The following CACNA1D variants were observed in gnomAD, a reference collection of about 807,000 sequenced individuals.
CACNA1D encodes calcium voltage-gated channel subunit alpha1 D, also known as voltage-dependent L-type calcium channel subunit alpha-1D.
A neutral mutation model predicts 257.1 loss-of-function variants in CACNA1D; 55 were observed. The observed-to-expected ratio is 0.21, with a 90% CI of 0.17 to 0.27. The LOEUF (loss-of-function observed/expected upper bound fraction) is 0.27, where lower values mean the gene tolerates loss of function less well. Among genes scored for constraint, CACNA1D ranks in the 10% least tolerant of loss-of-function variants. The probability of loss-of-function intolerance (pLI) is 1.00; values close to 1 mark genes in which losing one functional copy is unlikely to be tolerated. For missense variants in CACNA1D, 1,876 were observed against 2,784.0 expected (o/e 0.67, Z 7.34); for synonymous variants, 980 against 1,014.9 (o/e 0.97, Z 0.65).
At chr3:53,566,772 CCT>C (rs2092849387) in intron 3 of CACNA1D, among the ~76,000 whole-genome samples, 1 of 152,180 alleles carries the variant, frequency 6.6e-6, no homozygotes, top group Non-Finnish European at 1.5e-5. Flanking sequence ...AGCTTGCTTG[CCT>C]CTCTGTCGGA....
chr3:53,562,367 C>G (rs140549538), intron 3 of CACNA1D, among the ~76,000 whole-genome samples: 181 of 152,298 alleles, frequency 1.2e-3, no homozygotes, highest in Non-Finnish European at 2.2e-3. Flanking sequence ...TCAGAGAACT[C>G]TACAGATACA....
chr3:53,613,289 G>A (rs927427339), intron 3 of CACNA1D, among the ~76,000 whole-genome samples: 1 of 152,098 alleles, frequency 6.6e-6, no homozygotes, highest in Non-Finnish European at 1.5e-5. Context: ...CAAAGAAGAT[G>A]GCCCTATTCA....
At chr3:53,639,688 G>A (rs34802409) in intron 3 of CACNA1D, among the ~76,000 whole-genome samples, 21,854 of 151,540 alleles carry the variant, frequency 0.14, 1,983 homozygotes, top group Middle Eastern at 0.21. Flanking sequence ...GCCCGGCTGA[G>A]ATTTCATTTT....
intron 8 of CACNA1D, among the ~76,000 whole-genome samples, chr3:53,695,384 C>T (rs1422879615): frequency 6.6e-6 from 1 of 152,166 alleles, no homozygotes; most frequent in East Asian, 1.9e-4. Context: ...AGCAGGCATC[C>T]TTCTTCCTTC....
At chr3:53,570,845 G>A (rs1231466353) in intron 3 of CACNA1D, among the ~76,000 whole-genome samples, 1 of 152,318 alleles carries the variant, frequency 6.6e-6, no homozygotes, top group Middle Eastern at 3.4e-3. Flanking sequence ...GCTAAAAATG[G>A]TCAAGGAAGG....
chr3:53,745,933 A>T, intron 25 of CACNA1D, 58 bp downstream of exon 25: 1 of 1,342,210 alleles, frequency 7.5e-7, no homozygotes, highest in Non-Finnish European at 1.1e-6. Context: ...GACTTCAAGG[A>T]TTCACACATG....
Position 53,732,054 on chromosome 3 carries a change from G to A in CACNA1D, c.2445G>A (p.Lys815=). ...IDDYREEDED[K]DPYPPCDVPV... ...ACTATAGAGAAGAGGATGAAGACAA[G>A]GACCCCTATCCGCCTTGCGATGTGC... Residue 815 remains lysine, a synonymous_variant, in exon 18 of 48, where the codon AAG becomes AAA. Transcript: ENST00000350061. The A allele has an allele frequency of 1.9e-6, 3 of 1,613,014 alleles. No individual in the cohort carries two copies. Among genetic ancestry groups the A allele is most frequent in the African/African-American group, 2.7e-5 (2 of 75,054 alleles).
chr3:53,644,543 C>A (rs2093999106), intron 3 of CACNA1D, among the ~76,000 whole-genome samples: 1 of 152,186 alleles, frequency 6.6e-6, no homozygotes, highest in Admixed American at 6.5e-5. Flanking sequence ...TGTTTTTAGA[C>A]TCCTCATATA....
chr3:53,613,973 T>C (rs2093609551), intron 3 of CACNA1D, among the ~76,000 whole-genome samples: 1 of 151,616 alleles, frequency 6.6e-6, no homozygotes, highest in South Asian at 2.1e-4. Flanking sequence ...TAGTAAGAAG[T>C]AGAACTCTAA....
At chr3:53,667,816 TGTGA>T (rs1310411734) in intron 7 of CACNA1D, among the ~76,000 whole-genome samples, 2 of 149,682 alleles carry the variant, frequency 1.3e-5, no homozygotes, top group African/African-American at 5.0e-5. Flanking sequence ...GTCATAGGAG[TGTGA>T]GTGTGTGTGT....
chr3:53,652,310 C>T (rs1158778881), intron 4 of CACNA1D, among the ~76,000 whole-genome samples: 1 of 152,118 alleles, frequency 6.6e-6, no homozygotes, highest in South Asian at 2.1e-4. Context: ...CACACTACAG[C>T]ACAGCACAAG....
At chr3:53,749,882 G>C (rs1176998262) in intron 27 of CACNA1D, among the ~76,000 whole-genome samples, 1 of 152,204 alleles carries the variant, frequency 6.6e-6, no homozygotes, top group Admixed American at 6.5e-5. Context: ...TTCAGTCTGG[G>C]ATGATTCTTG....
chr3:53,757,825 A>G (rs1364952499), intron 29 of CACNA1D, among the ~76,000 whole-genome samples: 1 of 152,110 alleles, frequency 6.6e-6, no homozygotes, highest in African/African-American at 2.4e-5. Context: ...GGGAAATGTT[A>G]TCTTCTCTGA....
intron 3 of CACNA1D, among the ~76,000 whole-genome samples, chr3:53,516,721 C>T (rs1382007159): frequency 6.6e-6 from 1 of 152,212 alleles, no homozygotes; most frequent in African/African-American, 2.4e-5. Context: ...TTGGGGCCTG[C>T]ACCTTTTGAT....
At chr3:53,713,502 ATGTGTGTGTGTGTGTGTGTG>A (rs35655186) in intron 9 of CACNA1D, among the ~76,000 whole-genome samples, 3 of 129,372 alleles carry the variant, frequency 2.3e-5, no homozygotes, top group Non-Finnish European at 3.2e-5. Flanking sequence ...CTCTGTGTGT[ATGTGTGTGTGTGTGTGTGTG>A]TGTGTGTGTG....
intron 3 of CACNA1D, among the ~76,000 whole-genome samples, chr3:53,640,391 C>T (rs6784608): frequency 0.028 from 4,313 of 152,236 alleles, 76 homozygotes; most frequent in East Asian, 0.072. Flanking sequence ...GGATTCTGGC[C>T]TGGGTGACAA....
intron 5 of CACNA1D, among the ~76,000 whole-genome samples, chr3:53,663,666 G>A (rs547171779): frequency 2.0e-5 from 3 of 152,214 alleles, no homozygotes; most frequent in Non-Finnish European, 1.5e-5. Context: ...ACGTAATTGC[G>A]GTTTTTGCCA....
chr3:53,608,308 T>C (rs1320241039), intron 3 of CACNA1D, among the ~76,000 whole-genome samples: 1 of 152,242 alleles, frequency 6.6e-6, no homozygotes, highest in South Asian at 2.1e-4. Context: ...GGATATAGAA[T>C]TAAAAGCAGC....
At chr3:53,502,896 C>T (rs984055232) in intron 3 of CACNA1D, among the ~76,000 whole-genome samples, 1 of 152,144 alleles carries the variant, frequency 6.6e-6, no homozygotes, top group African/African-American at 2.4e-5. Flanking sequence ...CTTCTCTTCT[C>T]TTAGCTGGTT....
Sources: gnomAD v4.1 joint callset for allele counts (sites outside exome capture counted in the v4.1 genomes callset) on GRCh38, gnomAD v4.1.1 for gene constraint, MANE v1.5 for transcripts, NCBI Gene and HGNC (gene_info 2026-07-23, HGNC 2026-07-21) for gene names.